The following ABTB3 variants were observed in gnomAD, a reference collection of about 807,000 sequenced individuals.
The protein encoded by ABTB3 is ankyrin repeat- and BTB/POZ domain-containing protein 3.
the ABTB3 span, among the ~76,000 whole-genome samples, chr12:107,640,751 C>A: frequency 2.0e-5 from 3 of 152,242 alleles, no homozygotes; most frequent in African/African-American, 7.2e-5. Context: ...AGGGAACAGA[C>A]TTTGGCATAA....
chr12:107,586,572 C>T, the ABTB3 span, among the ~76,000 whole-genome samples: 1 of 152,174 alleles, frequency 6.6e-6, no homozygotes, highest in African/African-American at 2.4e-5. Context: ...CATTTGGAGC[C>T]GCTGCCTCCC....
chr12:107,508,276 C>T, the ABTB3 span, among the ~76,000 whole-genome samples: 32 of 149,286 alleles, frequency 2.1e-4, no homozygotes, highest in South Asian at 5.8e-3. Flanking sequence ...GACATATGGA[C>T]GGAAGTTTGG....
At chr12:107,319,526 G>A in the ABTB3 span, 1 of 1,564,404 alleles carries the variant, frequency 6.4e-7, no homozygotes, top group Admixed American at 1.9e-5. Flanking sequence ...CAGCGCCGGC[G>A]GCGACCGCCT....
At chr12:107,657,886 T>C in the ABTB3 span, 1 of 673,094 alleles carries the variant, frequency 1.5e-6, no homozygotes, top group African/African-American at 1.8e-5. Context: ...TTTCCACTGG[T>C]CTGCAGATCA....
At chr12:107,543,796 A>C in the ABTB3 span, 1 of 692,176 alleles carries the variant, frequency 1.4e-6, no homozygotes, top group Non-Finnish European at 2.4e-6. Context: ...CTGCTTGGTG[A>C]GTGACTTCAA....
the ABTB3 span, among the ~76,000 whole-genome samples, chr12:107,603,935 T>C: frequency 6.6e-6 from 1 of 152,196 alleles, no homozygotes; most frequent in Admixed American, 6.5e-5. Context: ...TTTGGGAGGC[T>C]GAGGCAGGCG....
chr12:107,580,593 C>T, the ABTB3 span: 1 of 216,766 alleles, frequency 4.6e-6, no homozygotes, highest in Non-Finnish European at 9.3e-6. Flanking sequence ...TTTAGAGAGC[C>T]TTTTCTAGGT....
the ABTB3 span, chr12:107,543,929 C>T: frequency 6.2e-7 from 1 of 1,610,172 alleles, no homozygotes; most frequent in Non-Finnish European, 8.5e-7. Flanking sequence ...TTCCTTCTGT[C>T]CACAGGTGAC....
At chr12:107,630,869 G>A in the ABTB3 span, among the ~76,000 whole-genome samples, 1 of 152,192 alleles carries the variant, frequency 6.6e-6, no homozygotes, top group Non-Finnish European at 1.5e-5. Flanking sequence ...TGGTACATTT[G>A]TTATAATTAA....
the ABTB3 span, among the ~76,000 whole-genome samples, chr12:107,604,061 C>T: frequency 6.6e-6 from 1 of 151,840 alleles, no homozygotes; most frequent in African/African-American, 2.4e-5. Flanking sequence ...CCTAGCTACT[C>T]GGGAGGCTGA....
chr12:107,579,889 A>C, the ABTB3 span, among the ~76,000 whole-genome samples: 666 of 152,364 alleles, frequency 4.4e-3, 10 homozygotes, highest in East Asian at 0.042. Context: ...AAAGTGTGGT[A>C]CTTGGCCCAC....
chr12:107,423,443 G>A, the ABTB3 span, among the ~76,000 whole-genome samples: 7 of 152,196 alleles, frequency 4.6e-5, no homozygotes, highest in African/African-American at 1.7e-4. Flanking sequence ...ACCACCTGAA[G>A]AGCACTGAGA....
At chr12:107,543,963 C>T in the ABTB3 span, 13 of 1,613,714 alleles carry the variant, frequency 8.1e-6, no homozygotes, top group African/African-American at 1.3e-5. Flanking sequence ...CAATGCATCA[C>T]CTGCAGCCCC....
chr12:107,536,128 A>G, the ABTB3 span, among the ~76,000 whole-genome samples: 6 of 152,190 alleles, frequency 3.9e-5, no homozygotes, highest in Non-Finnish European at 8.8e-5. Flanking sequence ...CACCAAGAAC[A>G]TATATTAGGG....
the ABTB3 span, among the ~76,000 whole-genome samples, chr12:107,489,791 C>A: frequency 6.6e-6 from 1 of 151,948 alleles, no homozygotes; most frequent in African/African-American, 2.4e-5. Flanking sequence ...GAGACAGGGT[C>A]TTGCTCTGTC....
the ABTB3 span, among the ~76,000 whole-genome samples, chr12:107,559,344 G>A: frequency 1.8e-4 from 28 of 152,160 alleles, no homozygotes; most frequent in East Asian, 4.4e-3. Context: ...TGACAGCCCC[G>A]TGTGTGCTGT....
chr12:107,543,566 G>T, the ABTB3 span, among the ~76,000 whole-genome samples: 15 of 152,186 alleles, frequency 9.9e-5, no homozygotes, highest in African/African-American at 3.4e-4. Context: ...GCCCATTCTT[G>T]TGACTACAGT....
At chr12:107,485,890 T>C in the ABTB3 span, among the ~76,000 whole-genome samples, 1 of 152,242 alleles carries the variant, frequency 6.6e-6, no homozygotes, top group African/African-American at 2.4e-5. Context: ...AAGATTTTTC[T>C]GATTCCAAGT....
the ABTB3 span, chr12:107,320,554 C>T: frequency 4.4e-6 from 2 of 455,938 alleles, no homozygotes; most frequent in Non-Finnish European, 8.8e-6. Context: ...TCGGGGGGCA[C>T]GCAGTGCACG....
Sources: gnomAD v4.1 joint callset for allele counts (sites outside exome capture counted in the v4.1 genomes callset) on GRCh38, gnomAD v4.1.1 for gene constraint, MANE v1.5 for transcripts, NCBI Gene and HGNC (gene_info 2026-07-23, HGNC 2026-07-21) for gene names.